Variants in CARD8 observed in about 807,000 individuals in gnomAD.
CARD8 encodes the protein caspase recruitment domain family member 8, also known as caspase recruitment domain-containing protein 8.
Under a neutral mutation model 53.2 loss-of-function variants are expected in CARD8, and 38 were observed. The observed-to-expected ratio is 0.71, with a 90% CI of 0.55 to 0.94. The LOEUF is 0.94. CARD8 is among the 40% of genes least tolerant of loss of function. CARD8 has a pLI of 0.00. For synonymous variants in CARD8, 245 were observed against 244.9 expected (o/e 1.00, Z 0.00); for missense variants, 561 against 655.5 (o/e 0.86, Z 1.57).
chr19:48,227,802 CAAA>C (rs35853514), intron 10 of CARD8, among the ~76,000 whole-genome samples: 9 of 130,450 alleles, frequency 6.9e-5, no homozygotes, highest in Non-Finnish European at 8.2e-5. Flanking sequence ...GACTCCATCA[CAAA>C]AAAAAAAAAA....
At chr19:48,207,732 C>CTGTTTTTTTTTTGTTT (rs1555790093), downstream of CARD8, among the ~76,000 whole-genome samples, 32 of 91,270 alleles carry the variant, frequency 3.5e-4, 1 homozygote, top group African/African-American at 1.2e-3. Flanking sequence ...TGTTGTTTTT[C>CTGTTTTTTTTTTGTTT]TGTTTTTTTT....
chr19:48,207,726 G>GTTTTTT (rs1390970720), downstream of CARD8, among the ~76,000 whole-genome samples: 6 of 38,410 alleles, frequency 1.6e-4, no homozygotes, highest in Admixed American at 3.4e-4. Context: ...TTTTATTGTT[G>GTTTTTT]TTTTTCTGTT....
chr19:48,205,131 G>T (rs1282029272), downstream of CARD8, among the ~76,000 whole-genome samples: 3 of 152,182 alleles, frequency 2.0e-5, no homozygotes, highest in East Asian at 5.8e-4. Flanking sequence ...TCGGAGTGTT[G>T]AAGCTAACGC....
intron 3 of CARD8, among the ~76,000 whole-genome samples, chr19:48,246,694 G>A (rs887171783): frequency 6.6e-6 from 1 of 152,062 alleles, no homozygotes; most frequent in East Asian, 1.9e-4. Flanking sequence ...AAAATAAATG[G>A]TTCCCAAGCA....
intron 11 of CARD8, among the ~76,000 whole-genome samples, chr19:48,220,172 T>C (rs905194699): frequency 2.0e-5 from 3 of 152,176 alleles, no homozygotes; most frequent in African/African-American, 7.2e-5. Flanking sequence ...TGCTTCATAT[T>C]AATTGCTGTG....
chr19:48,227,518 G>A (rs1207432600), intron 10 of CARD8, among the ~76,000 whole-genome samples: 6 of 152,110 alleles, frequency 3.9e-5, no homozygotes, highest in Admixed American at 2.6e-4. Context: ...GAAAAGTCAC[G>A]GAGATGCCAG....
At chr19:48,252,119 T>C (rs1303840590) in intron 1 of CARD8, among the ~76,000 whole-genome samples, 1 of 152,146 alleles carries the variant, frequency 6.6e-6, no homozygotes, top group East Asian at 1.9e-4. Context: ...TCTTCCTCTC[T>C]AAGACAAGAA....
At chr19:48,227,736 G>C (rs2042065889) in intron 10 of CARD8, among the ~76,000 whole-genome samples, 1 of 151,078 alleles carries the variant, frequency 6.6e-6, no homozygotes, top group African/African-American at 2.4e-5. Context: ...CCAGGAAGCA[G>C]AGGTTGCAGT....
intron 12 of CARD8, among the ~76,000 whole-genome samples, chr19:48,217,077 G>A (rs754126233): frequency 6.6e-6 from 1 of 151,890 alleles, no homozygotes; most frequent in Non-Finnish European, 1.5e-5. Context: ...AATAGGGTTC[G>A]CGCTCCTACG....
intron 5 of CARD8, among the ~76,000 whole-genome samples, chr19:48,237,549 C>T (rs1347010175): frequency 6.6e-6 from 1 of 152,046 alleles, no homozygotes; most frequent in African/African-American, 2.4e-5. Flanking sequence ...GTAATCCCAG[C>T]ACTTTGGGAG....
Position 48,247,756 on chromosome 19 carries a change from GTATATA to G in CARD8, c.-44+1761_-44+1766del, listed in dbSNP as rs557750959. Among the ~76,000 whole-genome samples the G allele has an allele frequency of 1.4e-3, 202 of 143,450 alleles. 1 individual carries two copies. The highest frequency in any genetic ancestry group is 4.8e-3 in the African/African-American group (187 of 39,156). The allele number at this position is 143,450 out of a possible 152,430, so 94.1% of individuals were successfully genotyped here. ...TATACTTTCATGACACTATGTTATT[GTATATA>G]TATATATATATATATACACACACAC... On this transcript the variant is annotated intron_variant, in intron 3 of 13. Transcript: ENST00000651546.
At position 48,242,830 on chromosome 19, in the gene CARD8, A is replaced by G. The variant is rs79445640; in HGVS notation, c.-43-1767T>C. ...ATTTCCGTGCTCGCTTCGGCAGCAC[A>G]TATACCAAAGCGCCAATCTCCATTC... On this transcript the variant is annotated intron_variant, in intron 3 of 13. Coordinates refer to ENST00000651546, the MANE Select transcript of CARD8 (RefSeq NM_001184900.3). 9.9e-3 allele frequency among the ~76,000 whole-genome samples: 1,502 copies of G among 152,282 alleles called. 17 individuals carry two copies. Among genetic ancestry groups the G allele is most frequent in the Non-Finnish European group, 0.013 (892 of 68,022 alleles).
chr19:48,209,634 CAA>C lies in CARD8; in HGVS notation c.*2074_*2075del, dbSNP rs1209096704. The C allele has an allele frequency of 6.6e-6, 1 of 152,006 alleles. No homozygotes were observed. Among genetic ancestry groups the C allele is most frequent in the Non-Finnish European group, 1.5e-5 (1 of 67,972 alleles). 9.4% of individuals were successfully genotyped at this position (152,006 alleles called of 1,614,324 possible). On this transcript the variant is annotated 3_prime_UTR_variant, in exon 14 of 14. Coordinates refer to ENST00000651546, the MANE Select transcript of CARD8 (RefSeq NM_001184900.3). ...GAGTCTCAGAAGAGGAGGAAAAAAA[CAA>C]AATATAATATTGATTGATTCAACAT...
chr19:48,233,329 G>A (rs1308211955), intron 6 of CARD8: 3 of 456,168 alleles, frequency 6.6e-6, no homozygotes, highest in Non-Finnish European at 1.3e-5. Context: ...CATTCCTTGA[G>A]ATATCTGTTT....
At chr19:48,239,528 T>G (rs1426570578) in intron 4 of CARD8, among the ~76,000 whole-genome samples, 1 of 146,058 alleles carries the variant, frequency 6.8e-6, no homozygotes, top group East Asian at 2.0e-4. Flanking sequence ...CAGGCTGGAG[T>G]GCAATGGAGC....
chr19:48,214,584 C>T (rs1293097072), intron 13 of CARD8, among the ~76,000 whole-genome samples: 1 of 152,058 alleles, frequency 6.6e-6, no homozygotes, highest in African/African-American at 2.4e-5. Context: ...CCCCTGCGGG[C>T]CACTATGCAG....
rs1366598308 is a variant in CARD8 at position 48,230,782 on chromosome 19, A to C, written c.767T>G (p.Leu256Arg). ...CTCCGCTCACCCCACATTACCTTGG[A>C]GGGAGATGAAGTGGGGGAGGTGGAT... is the stretch of plus-strand genomic sequence containing the variant. ...AEIHLPHFIS[L>R]QAGEVDVSWF... is the part of the protein sequence containing the mutation. The change falls in exon 9 of 14, where the codon CTC (leucine) becomes CGC (arginine). Residue 256 changes from leucine (L) to arginine (R), a missense_variant. Leu to Arg is a moderately radical substitution (Grantham distance 102). Coordinates refer to ENST00000651546, the MANE Select transcript of CARD8 (RefSeq NM_001184900.3). The C allele has an allele frequency of 6.2e-7, 1 of 1,613,858 alleles. No homozygotes were observed. The highest frequency in any genetic ancestry group is 1.3e-5 in the African/African-American group (1 of 74,908).
Position 48,234,484 on chromosome 19 carries a change from T to C in CARD8, c.269A>G (p.Gln90Arg), listed in dbSNP as rs1229000274. Reference protein sequence around the residue: ...ETLCDISHFFQEDDETEAEPL... With the variant: ...ETLCDISHFFREDDETEAEPL... Reference sequence around the variant, plus strand: ...CTCTGCCTCTGTCTCATCATCTTCTTGGAAAAAATGTGAGATGTCACAAAG... The same window carrying C: ...CTCTGCCTCTGTCTCATCATCTTCTCGGAAAAAATGTGAGATGTCACAAAG... The change falls in exon 6 of 14, where the codon CAA becomes CGA. Residue 90 changes from glutamine (Q) to arginine (R), a missense_variant. Transcript: ENST00000651546. 2.5e-6 allele frequency: 4 copies of C among 1,613,894 alleles called. No homozygotes were observed. The highest frequency in any genetic ancestry group is 3.4e-6 in the Non-Finnish European group (4 of 1,179,872).
intron 11 of CARD8, among the ~76,000 whole-genome samples, chr19:48,220,755 T>TA (rs1434814347): frequency 6.6e-6 from 1 of 151,608 alleles, no homozygotes; most frequent in Non-Finnish European, 1.5e-5. Flanking sequence ...CTACTAAAAA[T>TA]AAAAAATCAG....
Sources: gnomAD v4.1 joint callset for allele counts (sites outside exome capture counted in the v4.1 genomes callset) on GRCh38, gnomAD v4.1.1 for gene constraint, MANE v1.5 for transcripts, NCBI Gene and HGNC (gene_info 2026-07-23, HGNC 2026-07-21) for gene names.